The following GRIA4 variants were observed in gnomAD, a reference collection of about 807,000 sequenced individuals.
The protein encoded by GRIA4 is glutamate ionotropic receptor AMPA type subunit 4, also known as glutamate receptor 4.
A neutral mutation model predicts 104.0 loss-of-function variants in GRIA4; 34 were observed. The ratio of observed to expected loss-of-function variants is 0.33; its 90% CI spans 0.25 to 0.44. The LOEUF (loss-of-function observed/expected upper bound fraction) is 0.44, where lower values mean the gene tolerates loss of function less well. GRIA4 is among the 20% of genes least tolerant of loss of function. The pLI is 1.00. For missense variants in GRIA4, 750 were observed against 1,096.5 expected (o/e 0.68, Z 4.46); for synonymous variants, 386 against 381.9 (o/e 1.01, Z -0.13).
At chr11:105,765,379 T>G (rs989433065) in intron 4 of GRIA4, among the ~76,000 whole-genome samples, 2 of 152,084 alleles carry the variant, frequency 1.3e-5, no homozygotes, top group African/African-American at 4.8e-5. Context: ...TCAACAACAA[T>G]AGCAAAGGTT....
intron 4 of GRIA4, among the ~76,000 whole-genome samples, chr11:105,855,399 T>C (rs1944973717): frequency 6.6e-6 from 1 of 152,164 alleles, no homozygotes; most frequent in Non-Finnish European, 1.5e-5. Flanking sequence ...ATACAATGGT[T>C]GTTTTTACAC....
At chr11:105,839,147 T>A (rs1041634327) in intron 4 of GRIA4, among the ~76,000 whole-genome samples, 2 of 152,096 alleles carry the variant, frequency 1.3e-5, no homozygotes, top group Non-Finnish European at 2.9e-5. Flanking sequence ...ACATACATTA[T>A]ATGACAGTTT....
At chr11:105,948,514 ATAAAT>A (rs979385910) in intron 14 of GRIA4, among the ~76,000 whole-genome samples, 1 of 151,486 alleles carries the variant, frequency 6.6e-6, no homozygotes, top group South Asian at 2.1e-4. Flanking sequence ...TAAAATAAAA[ATAAAT>A]TATATTATTC....
intron 4 of GRIA4, among the ~76,000 whole-genome samples, chr11:105,784,708 C>G (rs1591252307): frequency 6.6e-6 from 1 of 152,124 alleles, no homozygotes; most frequent in African/African-American, 2.4e-5. Context: ...TTTTACAAGT[C>G]TTTTTTGCAT....
intron 12 of GRIA4, among the ~76,000 whole-genome samples, chr11:105,926,382 G>A (rs946738190): frequency 6.6e-6 from 1 of 152,100 alleles, no homozygotes; most frequent in Non-Finnish European, 1.5e-5. Flanking sequence ...TCAACCATAG[G>A]CTGCATCCTA....
chr11:105,966,131 A>ATG, intron 14 of GRIA4: 1 of 1,108,912 alleles, frequency 9.0e-7, no homozygotes, highest in Non-Finnish European at 1.4e-6. Flanking sequence ...TGGGAGACTT[A>ATG]TGGTTTGGAC....
intron 14 of GRIA4, among the ~76,000 whole-genome samples, chr11:105,946,176 T>C (rs530509650): frequency 3.9e-4 from 60 of 152,330 alleles, no homozygotes; most frequent in African/African-American, 1.3e-3. Flanking sequence ...GTTTTCACTA[T>C]AACCTCTCAC....
At chr11:105,818,631 T>A (rs1943467040) in intron 4 of GRIA4, among the ~76,000 whole-genome samples, 1 of 152,186 alleles carries the variant, frequency 6.6e-6, no homozygotes, top group Non-Finnish European at 1.5e-5. Context: ...ATAAAATGCC[T>A]GCCTAGAGCA....
chr11:105,951,867 T>G (rs890700039), intron 14 of GRIA4, among the ~76,000 whole-genome samples: 2 of 151,998 alleles, frequency 1.3e-5, no homozygotes, highest in African/African-American at 4.8e-5. Flanking sequence ...GAGGCTGAGG[T>G]GGGAGGATCA....
intron 3 of GRIA4, among the ~76,000 whole-genome samples, chr11:105,667,640 CA>C (rs1952209072): frequency 6.6e-6 from 1 of 151,914 alleles, no homozygotes; most frequent in Non-Finnish European, 1.5e-5. Context: ...CATTGATCAG[CA>C]ATTTGTGTCC....
intron 14 of GRIA4, among the ~76,000 whole-genome samples, chr11:105,960,748 C>T (rs994104573): frequency 6.6e-6 from 1 of 152,228 alleles, no homozygotes; most frequent in Admixed American, 6.5e-5. Flanking sequence ...CGCTAGGCCC[C>T]AGTGGCGTGG....
chr11:105,655,648 G>A (rs902777727), intron 3 of GRIA4, among the ~76,000 whole-genome samples: 1 of 152,056 alleles, frequency 6.6e-6, no homozygotes, highest in Non-Finnish European at 1.5e-5. Flanking sequence ...CCATGTCCCT[G>A]CAAGGGACAG....
intron 3 of GRIA4, among the ~76,000 whole-genome samples, chr11:105,670,978 C>A (rs981509190): frequency 6.6e-6 from 1 of 152,052 alleles, no homozygotes; most frequent in Non-Finnish European, 1.5e-5. Context: ...TGGCTTGTGG[C>A]CCACTTCCTC....
chr11:105,907,428 C>T (rs543083492), intron 9 of GRIA4, among the ~76,000 whole-genome samples: 126 of 152,308 alleles, frequency 8.3e-4, no homozygotes, highest in Admixed American at 2.2e-3. Context: ...GGCAATGTGT[C>T]TGAGAAGTGA....
In GRIA4 at chr11:105,863,391, A is replaced by AATATATATATAT. The variant is rs148725532; in HGVS notation, c.672+1189_672+1200dup. Among the ~76,000 whole-genome samples, 188 of 148,860 alleles carry AATATATATATAT rather than the reference A, an allele frequency of 1.3e-3. 1 individual carries two copies. Among genetic ancestry groups the AATATATATATAT allele is most frequent in the African/African-American group, 4.3e-3 (175 of 40,502 alleles). ...CGTCCCTTTGTAGAAGAAAAAGCTA[A>AATATATATATAT]ATATATATATATATATACTGAAGAA... On this transcript the variant is annotated intron_variant, in intron 5 of 16. Transcript: ENST00000282499.
At chr11:105,940,620 T>C (rs1313530108) in intron 14 of GRIA4, among the ~76,000 whole-genome samples, 2 of 152,148 alleles carry the variant, frequency 1.3e-5, no homozygotes, top group African/African-American at 4.8e-5. Context: ...TGATGCTGCT[T>C]TAATGCAGTT....
At position 105,663,368 on chromosome 11, in the gene GRIA4, T is replaced by C. The variant is rs115288395; in HGVS notation, c.247+50934T>C. ...AATTCATCTATTTCTTCAACAGACA[T>C]TTATTGCACATCTACTATATTCCAG... is the stretch of plus-strand genomic sequence containing the variant. On this transcript the variant is annotated intron_variant, in intron 3 of 16. Transcript: ENST00000282499. 4.3e-3 allele frequency among the ~76,000 whole-genome samples: 650 copies of C among 152,070 alleles called. 11 individuals carry two copies. The highest frequency in any genetic ancestry group is 0.015 in the African/African-American group (606 of 41,518).
At position 105,664,262 on chromosome 11, in the gene GRIA4, G is replaced by A. The variant is rs1442766766; in HGVS notation, c.247+51828G>A. Among the ~76,000 whole-genome samples, 4 of 150,088 alleles carry A rather than the reference G, an allele frequency of 2.7e-5. No individual in the cohort carries two copies. In the East Asian group the frequency reaches 5.9e-4, roughly 22 times the overall value. ...TAAATGACGGGGCACTGGATAAGTG[G>A]AGGTCAGAAAAAAGAAGTGCAAATG... On this transcript the variant is annotated intron_variant, in intron 3 of 16. Coordinates refer to ENST00000282499, the MANE Select transcript of GRIA4 (RefSeq NM_000829.4).
At chr11:105,763,238 G>A (rs1306262468) in intron 4 of GRIA4, among the ~76,000 whole-genome samples, 2 of 152,094 alleles carry the variant, frequency 1.3e-5, no homozygotes, top group African/African-American at 2.4e-5. Context: ...AAGCAAGGAG[G>A]TGAAAAAGTT....
Sources: gnomAD v4.1 joint callset for allele counts (sites outside exome capture counted in the v4.1 genomes callset) on GRCh38, gnomAD v4.1.1 for gene constraint, MANE v1.5 for transcripts, NCBI Gene and HGNC (gene_info 2026-07-23, HGNC 2026-07-21) for gene names.